TSPAN5: variants seen among roughly 807,000 people sequenced by gnomAD.
TSPAN5 encodes the protein tetraspanin-5.
In TSPAN5, 10 loss-of-function variants were observed where a neutral mutation model predicts 37.1. That is an observed-to-expected ratio of 0.27 (90% confidence interval 0.17 to 0.46). The LOEUF (loss-of-function observed/expected upper bound fraction) is 0.46, where lower values mean the gene tolerates loss of function less well. Ranked by LOEUF, TSPAN5 falls within the 20% of genes least tolerant of loss-of-function variation. The pLI, the probability that TSPAN5 is intolerant of heterozygous loss-of-function variation, is 1.00. For synonymous variants in TSPAN5, 110 were observed against 118.9 expected (o/e 0.93, Z 0.48); for missense variants, 195 against 326.6 (o/e 0.60, Z 3.11).
intron 1 of TSPAN5, among the ~76,000 whole-genome samples, chr4:98,604,767 C>A (rs1245389176): frequency 6.6e-6 from 1 of 152,194 alleles, no homozygotes; most frequent in Non-Finnish European, 1.5e-5. Flanking sequence ...ATTTACTGAG[C>A]ACATACTACA....
rs990536047 is a variant in TSPAN5 at position 98,480,049 on chromosome 4, A to AC, written c.451-1240dup. 9.9e-5 allele frequency among the ~76,000 whole-genome samples: 15 copies of AC among 151,664 alleles called. No homozygotes were observed. In the South Asian group the frequency reaches 2.9e-3, roughly 30 times the overall value. ...GGCACTGCGTGACCAGAAGGCGGTG[A>AC]CCCCCCTGGACCCAGCTTTCACTAT... On this transcript the variant is annotated intron_variant, in intron 4 of 7. Coordinates refer to ENST00000305798, the MANE Select transcript of TSPAN5 (RefSeq NM_005723.4).
chr4:98,548,050 C>G (rs1424552918), intron 1 of TSPAN5, among the ~76,000 whole-genome samples: 1 of 148,538 alleles, frequency 6.7e-6, no homozygotes, highest in Non-Finnish European at 1.5e-5. Context: ...GAAAAAAACA[C>G]AAAAGCGTGC....
At chr4:98,479,469 T>C (rs1752787159) in intron 4 of TSPAN5, among the ~76,000 whole-genome samples, 1 of 152,158 alleles carries the variant, frequency 6.6e-6, no homozygotes, top group African/African-American at 2.4e-5. Context: ...TGAATGGACG[T>C]GCAGTCAGGG....
chr4:98,598,993 T>C (rs755156316), intron 1 of TSPAN5, among the ~76,000 whole-genome samples: 1 of 152,160 alleles, frequency 6.6e-6, no homozygotes, highest in Non-Finnish European at 1.5e-5. Context: ...TGTTAAAACA[T>C]ACACTTCAAA....
At chr4:98,492,008 G>A (rs955363577) in intron 2 of TSPAN5, among the ~76,000 whole-genome samples, 1 of 152,140 alleles carries the variant, frequency 6.6e-6, no homozygotes. Flanking sequence ...AACACCACCA[G>A]CAGACACCTA....
At chr4:98,624,296 G>C (rs763664429) in intron 1 of TSPAN5, among the ~76,000 whole-genome samples, 1 of 151,812 alleles carries the variant, frequency 6.6e-6, no homozygotes, top group Non-Finnish European at 1.5e-5. Flanking sequence ...ACAACGCTAG[G>C]ACTGCCTCTA....
intron 2 of TSPAN5, among the ~76,000 whole-genome samples, chr4:98,494,204 G>C (rs1228254576): frequency 1.3e-5 from 2 of 152,094 alleles, no homozygotes; most frequent in East Asian, 1.9e-4. Flanking sequence ...GCCTGCTCTA[G>C]AGTGGGGCAG....
chr4:98,530,579 G>A (rs1325444382), intron 1 of TSPAN5, among the ~76,000 whole-genome samples: 1 of 152,172 alleles, frequency 6.6e-6, no homozygotes, highest in East Asian at 1.9e-4. Context: ...CATTGGACTT[G>A]GGAATAAGGG....
chr4:98,595,122 T>C (rs1447139611), intron 1 of TSPAN5, among the ~76,000 whole-genome samples: 1 of 95,676 alleles, frequency 1.0e-5, no homozygotes, highest in Admixed American at 1.1e-4. Flanking sequence ...TCAGAGCCTG[T>C]TATTGGTCTA....
chr4:98,591,179 A>G (rs2110208046), intron 1 of TSPAN5, among the ~76,000 whole-genome samples: 1 of 151,072 alleles, frequency 6.6e-6, no homozygotes, highest in Admixed American at 6.6e-5. Flanking sequence ...AGAGCTAGTA[A>G]ACACTTTCAA....
chr4:98,521,331 C>A (rs1361501519), intron 1 of TSPAN5, among the ~76,000 whole-genome samples: 1 of 152,170 alleles, frequency 6.6e-6, no homozygotes, highest in Non-Finnish European at 1.5e-5. Context: ...GAGCAAGGGT[C>A]AGGGAGACTT....
chr4:98,502,005 G>A (rs974701056), intron 2 of TSPAN5, among the ~76,000 whole-genome samples: 3 of 152,138 alleles, frequency 2.0e-5, no homozygotes, highest in Admixed American at 1.3e-4. Flanking sequence ...GGAAGAAATC[G>A]GATTTTCAAT....
chr4:98,573,411 T>G (rs1272948686), intron 1 of TSPAN5, among the ~76,000 whole-genome samples: 2 of 152,238 alleles, frequency 1.3e-5, no homozygotes, highest in Non-Finnish European at 2.9e-5. Context: ...CTTTTTAAAT[T>G]TTGTATTTTG....
intron 1 of TSPAN5, among the ~76,000 whole-genome samples, chr4:98,651,926 T>C (rs577434079): frequency 2.0e-5 from 3 of 147,902 alleles, no homozygotes; most frequent in South Asian, 2.2e-4. Context: ...TGGAGTGCAG[T>C]TGCAGCCTCA....
intron 1 of TSPAN5, among the ~76,000 whole-genome samples, chr4:98,634,385 T>C (rs1317776497): frequency 6.6e-6 from 1 of 152,228 alleles, no homozygotes; most frequent in Non-Finnish European, 1.5e-5. Flanking sequence ...TTATAGCATA[T>C]AAAGTTTCCT....
intron 1 of TSPAN5, among the ~76,000 whole-genome samples, chr4:98,519,257 A>C (rs903011594): frequency 5.3e-5 from 8 of 152,138 alleles, no homozygotes; most frequent in Non-Finnish European, 8.8e-5. Context: ...TTGGGAGGCC[A>C]ATGTGGGAGG....
rs200525592 is a variant in TSPAN5, at chr4:98,591,069, G to GTTT, written c.81+67074_81+67076dup. On this transcript the variant is annotated intron_variant, in intron 1 of 7. Transcript: ENST00000305798. ...CCCTGCCATGCTTTTCCTTTTTTTT[G>GTTT]TTTTTTTGTTTTTTTTTTTTAATAA... is the stretch of plus-strand genomic sequence containing the variant. Among the ~76,000 whole-genome samples the GTTT allele has an allele frequency of 4.4e-3, 612 of 137,890 alleles. 7 individuals are homozygous for GTTT. Among genetic ancestry groups the GTTT allele is most frequent in the African/African-American group, 0.017 (579 of 34,314 alleles). 90.5% of individuals were successfully genotyped at this position (137,890 alleles called of 152,430 possible). A position where few individuals can be genotyped will look rare whatever the true frequency, so the allele number is the denominator to read the frequency against.
At chr4:98,629,302 C>G (rs951147088) in intron 1 of TSPAN5, among the ~76,000 whole-genome samples, 7 of 152,206 alleles carry the variant, frequency 4.6e-5, no homozygotes, top group Admixed American at 2.0e-4. Flanking sequence ...AGTCACACAA[C>G]CCCTCTGTGC....
chr4:98,544,449 C>T (rs573997550), intron 1 of TSPAN5, among the ~76,000 whole-genome samples: 9 of 152,228 alleles, frequency 5.9e-5, no homozygotes, highest in Admixed American at 1.3e-4. Flanking sequence ...TGTCCAACAA[C>T]TCACAGTCCC....
Sources: allele counts gnomAD v4.1 joint callset (sites outside exome capture counted in the v4.1 genomes callset), GRCh38; gene constraint gnomAD v4.1.1; transcripts MANE v1.5; gene names NCBI Gene and HGNC (gene_info 2026-07-23, HGNC 2026-07-21).